Variants in WWOX observed in about 807,000 individuals in gnomAD.
WWOX encodes WW domain-containing oxidoreductase.
WWOX carries 69 observed loss-of-function variants against 46.2 expected under a neutral mutation model. That is an observed-to-expected ratio of 1.49 (90% CI 1.23 to 1.82). The LOEUF (loss-of-function observed/expected upper bound fraction) is 1.82. WWOX is among the 40% of genes most tolerant of loss of function. The pLI, the probability that WWOX is intolerant of heterozygous loss-of-function variation, is 0.00. For missense variants in WWOX, 919 were observed against 542.6 expected (o/e 1.69, Z -6.89); for synonymous variants, 359 against 202.6 (o/e 1.77, Z -6.56).
intron 8 of WWOX, among the ~76,000 whole-genome samples, chr16:78,983,494 A>G (rs1480860792): frequency 6.6e-6 from 1 of 152,216 alleles, no homozygotes; most frequent in Non-Finnish European, 1.5e-5. Flanking sequence ...TCATGCTATG[A>G]AAAGAGAGGA....
At chr16:78,368,023 C>T (rs1003480769) in intron 5 of WWOX, among the ~76,000 whole-genome samples, 1 of 152,198 alleles carries the variant, frequency 6.6e-6, no homozygotes, top group Admixed American at 6.5e-5. Context: ...TCCCAAAGTG[C>T]TGGGATTACA....
chr16:78,547,096 C>G (rs1331548111), intron 8 of WWOX, among the ~76,000 whole-genome samples: 1 of 139,454 alleles, frequency 7.2e-6, no homozygotes, highest in Admixed American at 7.6e-5. Context: ...CCACTGCACT[C>G]CAGCCTGGGA....
chr16:78,670,743 C>A (rs570492025), intron 8 of WWOX, among the ~76,000 whole-genome samples: 21 of 152,000 alleles, frequency 1.4e-4, no homozygotes, highest in Non-Finnish European at 2.8e-4. Context: ...AACTGTTGGG[C>A]TGAAGCAGTT....
At chr16:78,926,950 T>C (rs1453081434) in intron 8 of WWOX, among the ~76,000 whole-genome samples, 3 of 152,072 alleles carry the variant, frequency 2.0e-5, no homozygotes, top group South Asian at 4.1e-4. Flanking sequence ...GCACCAGCAA[T>C]GACACCTGCC....
At chr16:78,852,134 T>A (rs145364361) in intron 8 of WWOX, among the ~76,000 whole-genome samples, 1 of 152,326 alleles carries the variant, frequency 6.6e-6, no homozygotes, top group East Asian at 1.9e-4. Context: ...ATGTTAGAGT[T>A]CAACCTTAAA....
chr16:78,755,019 G>C (rs1282487194), intron 8 of WWOX, among the ~76,000 whole-genome samples: 1 of 151,166 alleles, frequency 6.6e-6, no homozygotes, highest in Non-Finnish European at 1.5e-5. Context: ...ACAACGGGAG[G>C]GGGGAACATC....
chr16:79,019,085 G>T (rs761602698), intron 8 of WWOX, among the ~76,000 whole-genome samples: 1 of 145,152 alleles, frequency 6.9e-6, no homozygotes, highest in Non-Finnish European at 1.5e-5. Flanking sequence ...TTGAACCTAG[G>T]AGGCAGAGGT....
intron 8 of WWOX, among the ~76,000 whole-genome samples, chr16:78,605,638 G>C (rs1190762061): frequency 6.6e-6 from 1 of 152,154 alleles, no homozygotes; most frequent in Non-Finnish European, 1.5e-5. Context: ...TCTTTATTTA[G>C]AAACTCAGCT....
intron 8 of WWOX, among the ~76,000 whole-genome samples, chr16:78,564,417 A>G (rs2044513862): frequency 1.3e-5 from 2 of 152,110 alleles, no homozygotes; most frequent in South Asian, 4.2e-4. Context: ...AAGCATGAAC[A>G]TTTCATCCAG....
At chr16:79,047,897 T>G (rs925411683) in intron 8 of WWOX, among the ~76,000 whole-genome samples, 11 of 151,852 alleles carry the variant, frequency 7.2e-5, no homozygotes, top group African/African-American at 2.7e-4. Flanking sequence ...TCACAGACTC[T>G]GCATTTTGAA....
chr16:78,541,213 G>A (rs575454848), intron 8 of WWOX, among the ~76,000 whole-genome samples: 1 of 151,854 alleles, frequency 6.6e-6, no homozygotes, highest in African/African-American at 2.4e-5. Flanking sequence ...GGTGGCTCAC[G>A]CCTGTAATCC....
intron 8 of WWOX, among the ~76,000 whole-genome samples, chr16:78,571,482 CAT>C (rs1382553407): frequency 3.9e-5 from 6 of 152,128 alleles, no homozygotes; most frequent in Admixed American, 1.3e-4. Flanking sequence ...GCCAACTTGA[CAT>C]GTGGATTTTA....
intron 8 of WWOX, among the ~76,000 whole-genome samples, chr16:78,583,551 A>C (rs1342579884): frequency 6.6e-6 from 1 of 152,206 alleles, no homozygotes; most frequent in Non-Finnish European, 1.5e-5. Flanking sequence ...TGCACTTGGC[A>C]GCAATTCCTT....
In WWOX at chr16:78,699,543, A is replaced by C. The variant is rs530876294; in HGVS notation, c.1056+266791A>C. Among the ~76,000 whole-genome samples the C allele has an allele frequency of 2.0e-5, 3 of 152,336 alleles. No homozygotes were observed. In the South Asian group the frequency reaches 6.2e-4, roughly 32 times the overall value. On this transcript the variant is annotated intron_variant, in intron 8 of 8. Transcript: ENST00000566780. The stretch of plus-strand genomic sequence containing the variant: ...GACAGAGTGAGACCCTGTCTCAAGA[A>C]ACCGAAAAACGAAAGAAAAACAAGT...
intron 8 of WWOX, among the ~76,000 whole-genome samples, chr16:78,557,808 A>C (rs574789434): frequency 3.4e-5 from 5 of 147,844 alleles, no homozygotes; most frequent in Non-Finnish European, 5.9e-5. Flanking sequence ...CAATTCTCCT[A>C]CGTCAGCCTC....
intron 8 of WWOX, among the ~76,000 whole-genome samples, chr16:78,736,231 C>T (rs1567525607): frequency 6.6e-6 from 1 of 152,178 alleles, no homozygotes; most frequent in Non-Finnish European, 1.5e-5. Context: ...TCAAACTTGA[C>T]CCGCTTGAGG....
chr16:78,867,580 ACCC>A (rs2044033169), intron 8 of WWOX, among the ~76,000 whole-genome samples: 1 of 151,306 alleles, frequency 6.6e-6, no homozygotes, highest in Admixed American at 6.6e-5. Context: ...TTGCTCTTTC[ACCC>A]AGGCTGGAGT....
At chr16:78,211,346 C>G (rs1196656314) in intron 5 of WWOX, among the ~76,000 whole-genome samples, 3 of 152,158 alleles carry the variant, frequency 2.0e-5, no homozygotes, top group African/African-American at 7.2e-5. Flanking sequence ...ATTCATTCTT[C>G]CTTTTGTTCA....
intron 8 of WWOX, among the ~76,000 whole-genome samples, chr16:78,582,694 G>C (rs1415690186): frequency 6.6e-6 from 1 of 152,110 alleles, no homozygotes; most frequent in Non-Finnish European, 1.5e-5. Flanking sequence ...GATGACCCCT[G>C]CTTAACAGTA....
Sources: allele counts gnomAD v4.1 joint callset (sites outside exome capture counted in the v4.1 genomes callset), GRCh38; gene constraint gnomAD v4.1.1; transcripts MANE v1.5; gene names NCBI Gene and HGNC (gene_info 2026-07-23, HGNC 2026-07-21).